Variants in BRSK2 observed in about 807,000 individuals in gnomAD.
The protein encoded by BRSK2 is serine/threonine-protein kinase BRSK2.
Under a neutral mutation model 83.3 loss-of-function variants are expected in BRSK2, and 19 were observed. The observed-to-expected ratio is 0.23, with a 90% CI of 0.16 to 0.33. The LOEUF (loss-of-function observed/expected upper bound fraction) is 0.33, where lower values mean the gene tolerates loss of function less well. BRSK2 is among the 10% of genes least tolerant of loss of function. BRSK2 has a pLI of 1.00. For synonymous variants in BRSK2, 519 were observed against 435.4 expected, an observed-to-expected ratio of 1.19 and a Z score of -2.39; for missense variants, 798 against 1,042.3, an observed-to-expected ratio of 0.77 and a Z score of 3.23.
chr11:1,428,566 C>T (rs1191034604), intron 1 of BRSK2, among the ~76,000 whole-genome samples: 4 of 152,340 alleles, frequency 2.6e-5, no homozygotes, highest in Admixed American at 2.6e-4. Context: ...CTGATTTGTG[C>T]TGGGCCCAGC....
chr11:1,443,162 A>C (rs1851589809), intron 6 of BRSK2, 23 bp downstream of exon 6: 1 of 1,537,104 alleles, frequency 6.5e-7, no homozygotes. Flanking sequence ...CGCCGCGTGC[A>C]GCTCTGTGGG....
At chr11:1,453,559 G>C (rs1230195341) in intron 15 of BRSK2, among the ~76,000 whole-genome samples, 2 of 152,206 alleles carry the variant, frequency 1.3e-5, no homozygotes, top group African/African-American at 4.8e-5. Flanking sequence ...GCAGGACACT[G>C]AGGAGGCGTC....
At position 1,454,258 on chromosome 11, in the gene BRSK2, A is replaced by AGGTTAG; in HGVS notation, c.1545-222_1545-217dup. On this transcript the variant is annotated intron_variant, in intron 15 of 19. Coordinates refer to ENST00000528841, the MANE Select transcript of BRSK2 (RefSeq NM_001256627.2). This position sits in a 1 kb window ranked among gnomAD's most constrained non-coding sequence, Gnocchi z 5.2. ...GGTCAGGGCGTTAGGGCTTGGAGAA[A>AGGTTAG]GGTTAGGGTTGGGGTTGGGGTTAGA... 1 of 472,428 alleles carries AGGTTAG rather than the reference A, an allele frequency of 2.1e-6. No homozygotes were observed. Among genetic ancestry groups the AGGTTAG allele is most frequent in the Non-Finnish European group, 3.8e-6 (1 of 261,098 alleles). 29.3% of individuals were successfully genotyped at this position (472,428 alleles called of 1,614,324 possible).
rs1000754525 is a variant in BRSK2, at chr11:1,390,662, G to T, written c.91+287G>T. Among the ~76,000 whole-genome samples, 1 of 148,632 alleles carries T rather than the reference G, an allele frequency of 6.7e-6. No individual in the cohort carries two copies. The highest frequency in any genetic ancestry group is 2.4e-5 in the African/African-American group (1 of 41,020). On this transcript the variant is annotated intron_variant, in intron 1 of 19. Coordinates refer to ENST00000528841, the MANE Select transcript of BRSK2 (RefSeq NM_001256627.2). The surrounding 1 kb of genome is among the most constrained non-coding windows in gnomAD (Gnocchi z 6.8). Reference sequence around the variant, plus strand: ...CACGGGACGGCGCCCCTCGGGCCCCGCTGCAGGTGCGCGGCCCGGGCCGCA... The same window carrying T: ...CACGGGACGGCGCCCCTCGGGCCCCTCTGCAGGTGCGCGGCCCGGGCCGCA...
intron 1 of BRSK2, among the ~76,000 whole-genome samples, chr11:1,391,468 C>T (rs1845729047): frequency 6.6e-6 from 1 of 152,172 alleles, no homozygotes; most frequent in Non-Finnish European, 1.5e-5. Context: ...CAGGCCCAGG[C>T]TCTTGGGGGA....
chr11:1,449,250 AGCCTGGCCCT>A (rs997251841), intron 12 of BRSK2, among the ~76,000 whole-genome samples: 1 of 152,190 alleles, frequency 6.6e-6, no homozygotes, highest in African/African-American at 2.4e-5. Flanking sequence ...CAGCTGCCCC[AGCCTGGCCCT>A]GCCCAGGCCC....
chr11:1,423,299 G>A lies in BRSK2; in HGVS notation c.92-12741G>A, dbSNP rs558633824. Among the ~76,000 whole-genome samples the A allele has an allele frequency of 3.3e-4, 50 of 152,280 alleles. No homozygotes were observed. The highest frequency in any genetic ancestry group is 2.1e-4 in the South Asian group (1 of 4,822). On this transcript the variant is annotated intron_variant, in intron 1 of 19. Transcript: ENST00000528841. This position sits in a 1 kb window ranked among gnomAD's most constrained non-coding sequence, Gnocchi z 6.5. ...CCCTCCCCACTGTCCTGTCCTTAGC[G>A]TCTTGAGGCTAGGGGTGAGTTCGAG...
In BRSK2 at chr11:1,423,391, G is replaced by C. The variant is rs546821232; in HGVS notation, c.92-12649G>C. On this transcript the variant is annotated intron_variant, in intron 1 of 19. Transcript: ENST00000528841. The surrounding 1 kb of genome is among the most constrained non-coding windows in gnomAD (Gnocchi z 6.5). ...GAGGCCTCTGGCCAGGTTCAGGCAC[G>C]TGGAGAGTGTGTGTGGGGAGAAGTT... is the stretch of plus-strand genomic sequence containing the variant. Among the ~76,000 whole-genome samples, 1 of 152,166 alleles carries C rather than the reference G, an allele frequency of 6.6e-6. No homozygotes were observed. Among genetic ancestry groups the C allele is most frequent in the Non-Finnish European group, 1.5e-5 (1 of 68,012 alleles).
chr11:1,409,425 C>T (rs61867654), intron 1 of BRSK2: 24,551 of 152,194 alleles, frequency 0.16, 2,388 homozygotes, highest in Non-Finnish European at 0.2. Flanking sequence ...GGTTTTGTAA[C>T]GAACTGGTCA....
At position 1,446,096 on chromosome 11, in the gene BRSK2, GGCTGGGCTGGGCTGGGAGCTGA is replaced by G. The variant is rs1365767778; in HGVS notation, c.1226+204_1226+225del. ...GGCTGGGCTGGGCTGGGCTTAGCTG[GGCTGGGCTGGGCTGGGAGCTGA>G]GCTGGGCTGGGCTGTGCTGGACTGG... On this transcript the variant is annotated intron_variant, in intron 12 of 19. Transcript: ENST00000528841. 1.3e-4 allele frequency among the ~76,000 whole-genome samples: 19 copies of G among 146,322 alleles called. No individual in the cohort carries two copies. In the East Asian group the frequency reaches 1.6e-3, roughly 13 times the overall value.
At chr11:1,413,588 A>C (rs1352075884) in intron 1 of BRSK2, among the ~76,000 whole-genome samples, 1 of 152,234 alleles carries the variant, frequency 6.6e-6, no homozygotes, top group Admixed American at 6.5e-5. Flanking sequence ...CAAGCCAGGA[A>C]GGAAGTGGTC....
rs1167884554 is a variant in BRSK2, at chr11:1,456,672, G to A, written c.1924G>A (p.Ala642Thr). The A allele has an allele frequency of 6.2e-7, 1 of 1,606,228 alleles. No homozygotes were observed. The highest frequency in any genetic ancestry group is 8.5e-7 in the Non-Finnish European group (1 of 1,177,404). ...GCTGAGCACACACGACCCGCCTGCG[G>A]CCCAGCACTTGTCAGGTGAGGCGGG... ...QLLSTHDPPA[A>T]QHLSDTTNCM... Residue 642 changes from alanine (A) to threonine (T), a missense_variant, in exon 18 of 20, where the codon GCC becomes ACC. Ala to Thr is a moderately conservative substitution (Grantham distance 58). This residue lies in a region of BRSK2 where 455 missense variants were observed against 455.2 expected (regional missense o/e 1.00). Transcript: ENST00000528841.
chr11:1,409,151 C>G (rs566703220), intron 1 of BRSK2, among the ~76,000 whole-genome samples: 1 of 152,190 alleles, frequency 6.6e-6, no homozygotes, highest in Admixed American at 6.5e-5. Context: ...TTCCTCAGGG[C>G]CTGCATTTCC....
Position 1,444,898 on chromosome 11 carries a change from T to C in BRSK2, c.781-73T>C. 4 of 1,449,898 alleles carry C rather than the reference T, an allele frequency of 2.8e-6. No individual in the cohort carries two copies. In the South Asian group the frequency reaches 3.4e-5, roughly 12 times the overall value. The allele number at this position is 1,449,898 out of a possible 1,614,324, so 89.8% of individuals were successfully genotyped here. A position where few individuals can be genotyped will look rare whatever the true frequency, so the allele number is the denominator to read the frequency against. ...CTCCGTGCTCCCAGCGCCCCTGCCT[T>C]CCCCCTCACCTCCTAATGTGGGCTC... On this transcript the variant is annotated intron_variant, in intron 8 of 19. Coordinates refer to ENST00000528841, the MANE Select transcript of BRSK2 (RefSeq NM_001256627.2).
chr11:1,439,817 C>T (rs1418107008), intron 3 of BRSK2, among the ~76,000 whole-genome samples: 2 of 150,658 alleles, frequency 1.3e-5, no homozygotes, highest in East Asian at 1.9e-4. Flanking sequence ...GGGCTTCACA[C>T]CCTCCCCTGC....
intron 1 of BRSK2, among the ~76,000 whole-genome samples, chr11:1,422,195 G>C (rs1034969888): frequency 6.6e-6 from 1 of 152,188 alleles, no homozygotes; most frequent in Non-Finnish European, 1.5e-5. Flanking sequence ...ATGATCAGGG[G>C]TGAGCCAAGT....
At chr11:1,456,841 C>T (rs1590703980) in intron 18 of BRSK2, 154 bp downstream of exon 18, 4 of 1,355,036 alleles carry the variant, frequency 3.0e-6, no homozygotes, top group Non-Finnish European at 4.1e-6. Context: ...TGGCTGCACC[C>T]CTCAGGGAGC....
intron 18 of BRSK2, 158 bp downstream of exon 18, chr11:1,456,845 A>G: frequency 7.4e-7 from 1 of 1,359,190 alleles, no homozygotes; most frequent in Non-Finnish European, 1.0e-6. Flanking sequence ...TGCACCCCTC[A>G]GGGAGCAGAG....
Position 1,434,687 on chromosome 11 carries a change from G to T in BRSK2, c.92-1353G>T, listed in dbSNP as rs557950086. Among the ~76,000 whole-genome samples the T allele has an allele frequency of 2.3e-4, 35 of 148,978 alleles. No individual in the cohort carries two copies. The East Asian group carries it at 5.8e-3, about 25-fold the overall frequency. ...TAACCTGGGCCGGCTCTGGGTGTCT[G>T]GGGGCACCTAGGAGTGGGGTCCCCG... On this transcript the variant is annotated intron_variant, in intron 1 of 19. Coordinates refer to ENST00000528841, the MANE Select transcript of BRSK2 (RefSeq NM_001256627.2).
Sources: gnomAD v4.1 joint callset for allele counts (sites outside exome capture counted in the v4.1 genomes callset) on GRCh38, gnomAD v4.1.1 for gene constraint, gnomAD v4.1.1 regional missense constraint, Gnocchi (gnomAD v3.1) non-coding constraint, MANE v1.5 for transcripts, NCBI Gene and HGNC (gene_info 2026-07-23, HGNC 2026-07-21) for gene names.